DDX46: variants seen among roughly 807,000 people sequenced by gnomAD.
DDX46 encodes the protein probable ATP-dependent RNA helicase DDX46.
DDX46 carries 30 observed loss-of-function variants against 134.9 expected under a neutral mutation model. The ratio of observed to expected loss-of-function variants is 0.22; its 90% CI spans 0.17 to 0.30. DDX46 has a LOEUF of 0.30. Among genes scored for constraint, DDX46 ranks in the 10% least tolerant of loss-of-function variants. DDX46 has a pLI of 1.00. For synonymous variants in DDX46, 415 were observed against 404.1 expected (o/e 1.03, Z -0.32); for missense variants, 622 against 1,248.7 (o/e 0.50, Z 7.56).
intron 15 of DDX46, among the ~76,000 whole-genome samples, chr5:134,799,774 G>A (rs1754772924): frequency 6.6e-6 from 1 of 151,388 alleles, no homozygotes; most frequent in South Asian, 2.1e-4. Context: ...TCTGGGCACA[G>A]TGTTGCATGC....
At chr5:134,812,785 C>G (rs554402439) in intron 18 of DDX46, among the ~76,000 whole-genome samples, 3 of 152,104 alleles carry the variant, frequency 2.0e-5, no homozygotes, top group Non-Finnish European at 2.9e-5. Flanking sequence ...TTACAGGCAC[C>G]CACCACCACG....
At chr5:134,795,892 T>C in intron 14 of DDX46, 96 bp from the exon 15 acceptor site, 2 of 1,087,514 alleles carry the variant, frequency 1.8e-6, no homozygotes, top group South Asian at 1.6e-5. Flanking sequence ...TAGCAAGATA[T>C]TGTCATTCAT....
At chr5:134,808,150 G>T (rs1298425021) in intron 16 of DDX46, among the ~76,000 whole-genome samples, 1 of 152,128 alleles carries the variant, frequency 6.6e-6, no homozygotes, top group African/African-American at 2.4e-5. Context: ...CTCTTTGTAG[G>T]CAGATCCTGT....
At chr5:134,813,708 G>T (rs1195418910) in intron 18 of DDX46, among the ~76,000 whole-genome samples, 1 of 152,056 alleles carries the variant, frequency 6.6e-6, no homozygotes, top group South Asian at 2.1e-4. Flanking sequence ...TCAACTCACT[G>T]CTGCCTCAGC....
rs569392277 is a variant in DDX46 at position 134,805,916 on chromosome 5, A to C, written c.1955-1832A>C. Reference sequence around the variant, plus strand: ...TTGGGTGCGGGTTCTTATTGATTTTAAGATATAAAGACATCCTAAAGGCCA... The same window carrying C: ...TTGGGTGCGGGTTCTTATTGATTTTCAGATATAAAGACATCCTAAAGGCCA... On this transcript the variant is annotated intron_variant, in intron 15 of 22. Coordinates refer to ENST00000452510, the MANE Select transcript of DDX46 (RefSeq NM_001300860.2). 2.0e-4 allele frequency among the ~76,000 whole-genome samples: 30 copies of C among 152,252 alleles called. No homozygotes were observed. The South Asian group carries it at 3.3e-3, about 17-fold the overall frequency.
At chr5:134,818,558 T>C (rs1246126680) in intron 20 of DDX46, among the ~76,000 whole-genome samples, 2 of 151,090 alleles carry the variant, frequency 1.3e-5, no homozygotes, top group Non-Finnish European at 3.0e-5. Flanking sequence ...AAAAATAAGC[T>C]GGGCATGGTG....
chr5:134,765,672 A>G (rs1391797808), intron 2 of DDX46, among the ~76,000 whole-genome samples: 1 of 152,204 alleles, frequency 6.6e-6, no homozygotes, highest in Non-Finnish European at 1.5e-5. Flanking sequence ...GGTTGGGACT[A>G]CAGGTATGAG....
At chr5:134,819,107 A>G in intron 21 of DDX46, 103 bp downstream of exon 21, 1 of 1,246,422 alleles carries the variant, frequency 8.0e-7, no homozygotes, top group Non-Finnish European at 1.1e-6. Flanking sequence ...GAGAACTGAA[A>G]GTAAGAAACA....
Position 134,807,834 on chromosome 5 carries a change from C to T in DDX46, c.2041C>T (p.Arg681Ter). ...TCTTGTGGCTACCTCTGTTGCTGCC[C>T]GAGGTCTAGATGTGAAACATCTGAT... ...KLLVATSVAA[R>*]GLDVKHLILV... Residue 681 changes from arginine to a stop codon, truncating the protein, a stop_gained, in exon 16 of 23, where the codon CGA (arginine) becomes TGA (stop). Coordinates refer to ENST00000452510, the MANE Select transcript of DDX46 (RefSeq NM_001300860.2). LOFTEE classifies it high-confidence loss of function. 1.2e-6 allele frequency: 2 copies of T among 1,614,066 alleles called. No individual in the cohort carries two copies. The highest frequency in any genetic ancestry group is 1.7e-6 in the Non-Finnish European group (2 of 1,179,998).
At position 134,787,984 on chromosome 5, in the gene DDX46, ACTGGGCAACAGAGC is replaced by A. The variant is rs201486411; in HGVS notation, c.1465-515_1465-502del. ...CAATGACCTATGATGACACTGCTGCACTGGGCAACAGAGCCTGGGCAACAGAGTGAGACCCTGTC... is the reference window on the plus strand; with the variant it reads ...CAATGACCTATGATGACACTGCTGCACTGGGCAACAGAGTGAGACCCTGTC... On this transcript the variant is annotated intron_variant, in intron 11 of 22. Transcript: ENST00000452510. Among the ~76,000 whole-genome samples, 1,150 of 150,296 alleles carry A rather than the reference ACTGGGCAACAGAGC, an allele frequency of 7.7e-3. 5 individuals carry two copies. The highest frequency in any genetic ancestry group is 0.038 in the Middle Eastern group (11 of 292).
intron 10 of DDX46, among the ~76,000 whole-genome samples, chr5:134,785,103 G>GGT (rs947615877): frequency 2.6e-5 from 4 of 152,178 alleles, no homozygotes; most frequent in African/African-American, 9.7e-5. Flanking sequence ...CTCAGACCAA[G>GGT]GTTGTTTCTG....
chr5:134,764,721 A>G (rs1038187974), intron 2 of DDX46, among the ~76,000 whole-genome samples: 7 of 152,012 alleles, frequency 4.6e-5, no homozygotes, highest in South Asian at 2.1e-4. Context: ...TTCTATTCCA[A>G]TTCTGCTCCA....
rs186414883 is a variant in DDX46 at position 134,784,417 on chromosome 5, A to T, written c.1218A>T (p.Ile406=). 6.2e-6 allele frequency: 10 copies of T among 1,613,972 alleles called. No individual in the cohort carries two copies. In the East Asian group the frequency reaches 1.8e-4, roughly 29 times the overall value. ...TPIQTQAIPA[I]MSGRDLIGIA... is the part of the protein sequence containing the mutation. ...TCCAAACCCAAGCTATTCCTGCTAT[A>T]ATGTCTGGACGAGATTTGATTGGCA... is the stretch of plus-strand genomic sequence containing the variant. Residue 406 remains isoleucine, a synonymous_variant, in exon 10 of 23, where the codon ATA becomes ATT. Coordinates refer to ENST00000452510, the MANE Select transcript of DDX46 (RefSeq NM_001300860.2).
chr5:134,785,818 A>C (rs1754314142), intron 11 of DDX46, among the ~76,000 whole-genome samples: 1 of 151,970 alleles, frequency 6.6e-6, no homozygotes, highest in African/African-American at 2.4e-5. Flanking sequence ...TGTGCTGAAA[A>C]TTCGCTAAGC....
chr5:134,807,996 T>C, intron 16 of DDX46, 55 bp downstream of exon 16: 1 of 1,474,106 alleles, frequency 6.8e-7, no homozygotes. Context: ...CAGGTGTTTC[T>C]TTAGTATTTC....
intron 18 of DDX46, 81 bp downstream of exon 18, chr5:134,811,926 G>A (rs1430145912): frequency 3.3e-6 from 5 of 1,500,024 alleles, no homozygotes; most frequent in Non-Finnish European, 4.4e-6. Context: ...TGGTTATCAA[G>A]ATAGACAATC....
intron 2 of DDX46, among the ~76,000 whole-genome samples, chr5:134,764,598 T>A (rs752052913): frequency 2.6e-5 from 4 of 152,182 alleles, no homozygotes; most frequent in Admixed American, 6.6e-5. Flanking sequence ...ACAGTGTTTT[T>A]AGTTTGGAAA....
chr5:134,803,395 G>A (rs771201020), intron 15 of DDX46, among the ~76,000 whole-genome samples: 8 of 151,848 alleles, frequency 5.3e-5, no homozygotes, highest in African/African-American at 1.7e-4. Flanking sequence ...GCATATATAC[G>A]CACAGTTGTG....
intron 15 of DDX46, among the ~76,000 whole-genome samples, chr5:134,798,430 T>C (rs1476950012): frequency 6.6e-6 from 1 of 151,864 alleles, no homozygotes; most frequent in Non-Finnish European, 1.5e-5. Context: ...CTTGAGCTCC[T>C]GACCTCAGAT....
Sources: gnomAD v4.1 joint callset for allele counts (sites outside exome capture counted in the v4.1 genomes callset) on GRCh38, gnomAD v4.1.1 for gene constraint, MANE v1.5 for transcripts, NCBI Gene and HGNC (gene_info 2026-07-23, HGNC 2026-07-21) for gene names.